The following GALNT10 variants were observed in gnomAD, a reference collection of about 807,000 sequenced individuals.
The protein encoded by GALNT10 is GalNAc transferase 10.
GALNT10 carries 41 observed loss-of-function variants against 75.0 expected under a neutral mutation model. The ratio of observed to expected loss-of-function variants is 0.55; its 90% CI spans 0.43 to 0.71. The LOEUF (loss-of-function observed/expected upper bound fraction) is 0.71. Among genes scored for constraint, GALNT10 ranks in the 30% least tolerant of loss-of-function variants. GALNT10 has a pLI of 0.00. For synonymous variants in GALNT10, 302 were observed against 313.0 expected, an observed-to-expected ratio of 0.96 and a Z score of 0.37; for missense variants, 727 against 818.5, an observed-to-expected ratio of 0.89 and a Z score of 1.36.
chr5:154,350,543 A>G (rs560640961), intron 4 of GALNT10, among the ~76,000 whole-genome samples: 8 of 152,234 alleles, frequency 5.3e-5, no homozygotes, highest in Non-Finnish European at 1.2e-4. Flanking sequence ...ATTCACCATA[A>G]TGCTGCTTAT....
In GALNT10 at chr5:154,298,036, A is replaced by G; in HGVS notation, c.358A>G (p.Lys120Glu). The G allele has an allele frequency of 6.2e-7, 1 of 1,613,490 alleles. No homozygotes were observed. Among genetic ancestry groups the G allele is most frequent in the Non-Finnish European group, 8.5e-7 (1 of 1,179,400 alleles). The change falls in exon 3 of 12, where the codon AAA (lysine) becomes GAA (glutamate). Residue 120 changes from lysine (K) to glutamate (E), a missense_variant. Coordinates refer to ENST00000297107, the MANE Select transcript of GALNT10 (RefSeq NM_198321.4). The surrounding 1 kb of genome is among the most constrained non-coding windows in gnomAD (Gnocchi z 4.1). ...TGGATTTAACATCTACGTCAGTGAT[A>G]AAATCTCCTTGAATCGCTCTCTCCC... Reference protein sequence around the residue: ...ENGFNIYVSDKISLNRSLPDI... With the variant: ...ENGFNIYVSDEISLNRSLPDI...
At chr5:154,237,227 A>G (rs60980490) in intron 1 of GALNT10, among the ~76,000 whole-genome samples, 2,068 of 152,230 alleles carry the variant, frequency 0.014, 39 homozygotes, top group African/African-American at 0.047. Flanking sequence ...TCTCTGCTAA[A>G]TGGGAGGATT....
At chr5:154,339,406 C>T (rs926260093) in intron 4 of GALNT10, among the ~76,000 whole-genome samples, 2 of 151,940 alleles carry the variant, frequency 1.3e-5, no homozygotes, top group Non-Finnish European at 1.5e-5. Context: ...TACAGAATAT[C>T]AATTAGTTTA....
intron 4 of GALNT10, among the ~76,000 whole-genome samples, chr5:154,331,870 C>T (rs964631935): frequency 1.3e-5 from 2 of 152,162 alleles, no homozygotes; most frequent in Non-Finnish European, 2.9e-5. Flanking sequence ...TGGGGAGAAG[C>T]TCAATATGCC....
intron 1 of GALNT10, among the ~76,000 whole-genome samples, chr5:154,233,297 G>C (rs1208841384): frequency 6.6e-6 from 1 of 152,170 alleles, no homozygotes; most frequent in Admixed American, 6.5e-5. Context: ...TTAACTTGCA[G>C]GTGGGAAGCC....
At chr5:154,375,458 C>T (rs757580204) in intron 4 of GALNT10, among the ~76,000 whole-genome samples, 21 of 152,136 alleles carry the variant, frequency 1.4e-4, no homozygotes, top group Non-Finnish European at 2.8e-4. Context: ...ACAATTTATC[C>T]AGACTTGGGG....
chr5:154,367,638 A>C (rs894671013), intron 4 of GALNT10, among the ~76,000 whole-genome samples: 1 of 152,150 alleles, frequency 6.6e-6, no homozygotes, highest in Non-Finnish European at 1.5e-5. Context: ...GCGGATCATG[A>C]GGTCGTGAGA....
chr5:154,419,703 T>A lies in GALNT10; in HGVS notation c.*2731T>A, dbSNP rs1472980974. 2.0e-5 allele frequency: 3 copies of A among 152,266 alleles called. No individual in the cohort carries two copies. Among genetic ancestry groups the A allele is most frequent in the Admixed American group, 6.5e-5 (1 of 15,282 alleles). 9.4% of individuals were successfully genotyped at this position (152,266 alleles called of 1,614,324 possible). ...ACAGAACTTGACTGGCTCCATTTCA[T>A]GGACCAACTGATCAATTGCCAGTAC... On this transcript the variant is annotated 3_prime_UTR_variant, in exon 12 of 12. Coordinates refer to ENST00000297107, the MANE Select transcript of GALNT10 (RefSeq NM_198321.4).
chr5:154,207,481 C>T lies in GALNT10; in HGVS notation c.159+16456C>T, dbSNP rs570471122. On this transcript the variant is annotated intron_variant, in intron 1 of 11. Coordinates refer to ENST00000297107, the MANE Select transcript of GALNT10 (RefSeq NM_198321.4). ...TGGGCCTTAACCACTTCTCTGGGCT[C>T]CACATACTAAACAGGTCAAGTCAGA... 2.6e-3 allele frequency among the ~76,000 whole-genome samples: 397 copies of T among 152,268 alleles called. 4 individuals are homozygous for T. Among genetic ancestry groups the T allele is most frequent in the African/African-American group, 9.1e-3 (377 of 41,532 alleles).
intron 4 of GALNT10, among the ~76,000 whole-genome samples, chr5:154,330,641 T>G (rs1449618251): frequency 6.6e-6 from 1 of 152,176 alleles, no homozygotes; most frequent in Non-Finnish European, 1.5e-5. Flanking sequence ...AAGTGAAATC[T>G]AAGAGGAAAT....
chr5:154,338,930 C>T (rs890811934), intron 4 of GALNT10, among the ~76,000 whole-genome samples: 3 of 152,180 alleles, frequency 2.0e-5, no homozygotes, highest in African/African-American at 2.4e-5. Flanking sequence ...GCCTTGCTGG[C>T]GGGCAGTGTC....
In GALNT10 at chr5:154,190,988, G is replaced by A; in HGVS notation, c.122G>A (p.Gly41Glu). The change falls in exon 1 of 12, where the codon GGG (glycine) becomes GAG (glutamate). Residue 41 changes from glycine (G) to glutamate (E), a missense_variant. By Grantham distance (98) the Gly-to-Glu change is moderately conservative. Coordinates refer to ENST00000297107, the MANE Select transcript of GALNT10 (RefSeq NM_198321.4). ...GAGCGGCAGCCCGACGGCACCCCTG[G>A]GGGATCGGGGGCGGCGGTGGCGCCG... ...YRERQPDGTP[G>E]GSGAAVAPAA... is the part of the protein sequence containing the mutation. The A allele has an allele frequency of 6.7e-7, 1 of 1,499,960 alleles. No homozygotes were observed. The highest frequency in any genetic ancestry group is 8.9e-7 in the Non-Finnish European group (1 of 1,124,676). 92.9% of individuals were successfully genotyped at this position (1,499,960 alleles called of 1,614,324 possible).
chr5:154,353,516 G>A (rs772438380), intron 4 of GALNT10, among the ~76,000 whole-genome samples: 19 of 152,180 alleles, frequency 1.2e-4, no homozygotes, highest in Non-Finnish European at 2.1e-4. Context: ...TCCCTCAGGC[G>A]CATTGGGTGG....
intron 3 of GALNT10, among the ~76,000 whole-genome samples, chr5:154,305,762 A>C: frequency 6.6e-6 from 1 of 152,226 alleles, no homozygotes; most frequent in Non-Finnish European, 1.5e-5. Context: ...TCTCACCTGT[A>C]ATCTTAGTAC....
In GALNT10 at chr5:154,420,878, C is replaced by T. The variant is rs1321398018; in HGVS notation, c.*3906C>T. 1 of 152,206 alleles carries T rather than the reference C, an allele frequency of 6.6e-6. No individual in the cohort carries two copies. 9.4% of individuals were successfully genotyped at this position (152,206 alleles called of 1,614,324 possible). A position where few individuals can be genotyped will look rare whatever the true frequency, so the allele number is the denominator to read the frequency against. ...ATTCCAGGCCAAAAGCTCAAGACCA[C>T]CAGCCTCTCCTCCTGCCTGGAAAAA... is the stretch of plus-strand genomic sequence containing the variant. On this transcript the variant is annotated 3_prime_UTR_variant, in exon 12 of 12. Transcript: ENST00000297107.
At chr5:154,251,763 T>C (rs1324930530) in intron 1 of GALNT10, among the ~76,000 whole-genome samples, 1 of 152,184 alleles carries the variant, frequency 6.6e-6, no homozygotes, top group East Asian at 1.9e-4. Flanking sequence ...GAATTCATCA[T>C]TTCTCTAAGA....
rs1387563695 is a variant in GALNT10, at chr5:154,219,832, T to A, written c.159+28807T>A. On this transcript the variant is annotated intron_variant, in intron 1 of 11. Transcript: ENST00000297107. ...CTCGCGCTCTCTCTCTCTCTCTCTC[T>A]CTCTCTCACACACACACACACACAC... Among the ~76,000 whole-genome samples, 197 of 80,190 alleles carry A rather than the reference T, an allele frequency of 2.5e-3. 1 individual carries two copies. In the East Asian group the frequency reaches 0.059, roughly 24 times the overall value. 52.6% of individuals were successfully genotyped at this position (80,190 alleles called of 152,430 possible).
At chr5:154,355,714 A>G (rs1025387434) in intron 4 of GALNT10, among the ~76,000 whole-genome samples, 30 of 149,894 alleles carry the variant, frequency 2.0e-4, no homozygotes, top group African/African-American at 7.7e-4. Flanking sequence ...CCCATTTTGC[A>G]GTTGAGATAT....
chr5:154,291,925 CT>C, intron 1 of GALNT10, among the ~76,000 whole-genome samples: 1 of 152,184 alleles, frequency 6.6e-6, no homozygotes, highest in Non-Finnish European at 1.5e-5. Context: ...CACAGCCCAG[CT>C]GATGAGCTGA....
Sources: allele counts gnomAD v4.1 joint callset (sites outside exome capture counted in the v4.1 genomes callset), GRCh38; gene constraint gnomAD v4.1.1; non-coding constraint Gnocchi (gnomAD v3.1); transcripts MANE v1.5; gene names NCBI Gene and HGNC (gene_info 2026-07-23, HGNC 2026-07-21).